The following PHLPP1 variants were observed in gnomAD, a reference collection of about 807,000 sequenced individuals.
PHLPP1 encodes the protein PH domain leucine-rich repeat-containing protein phosphatase 1.
PHLPP1 carries 42 observed loss-of-function variants against 117.2 expected under a neutral mutation model. The ratio of observed to expected loss-of-function variants is 0.36; its 90% CI spans 0.28 to 0.46. The LOEUF (loss-of-function observed/expected upper bound fraction) is 0.46, where lower values mean the gene tolerates loss of function less well. Among genes scored for constraint, PHLPP1 ranks in the 20% least tolerant of loss-of-function variants. The pLI is 1.00. For synonymous variants in PHLPP1, 1,042 were observed against 970.7 expected (o/e 1.07, Z -1.37); for missense variants, 2,084 against 2,241.9 (o/e 0.93, Z 1.42).
At chr18:62,758,963 T>C (rs991898383) in intron 1 of PHLPP1, among the ~76,000 whole-genome samples, 1 of 152,256 alleles carries the variant, frequency 6.6e-6, no homozygotes, top group African/African-American at 2.4e-5. Flanking sequence ...GTGTAATGTT[T>C]ACAGAGCCGA....
chr18:62,969,919 T>G (rs1911002973), intron 14 of PHLPP1, among the ~76,000 whole-genome samples: 1 of 152,168 alleles, frequency 6.6e-6, no homozygotes, highest in South Asian at 2.1e-4. Context: ...GTCTGAATTT[T>G]TTGTCTTTTC....
intron 3 of PHLPP1, among the ~76,000 whole-genome samples, chr18:62,851,031 A>G (rs547486245): frequency 7.2e-5 from 11 of 152,328 alleles, no homozygotes; most frequent in African/African-American, 2.6e-4. Flanking sequence ...TGTGTCCTCA[A>G]GAGGCTAAGC....
chr18:62,849,312 T>G (rs575255372), intron 3 of PHLPP1, among the ~76,000 whole-genome samples: 39 of 152,288 alleles, frequency 2.6e-4, no homozygotes, highest in African/African-American at 8.4e-4. Flanking sequence ...TCTGGTCATG[T>G]TATATTTTAA....
At chr18:62,973,816 G>T (rs996264842) in intron 15 of PHLPP1, among the ~76,000 whole-genome samples, 2 of 152,176 alleles carry the variant, frequency 1.3e-5, no homozygotes. Context: ...GTCATAAATT[G>T]TTACCAGTTA....
At chr18:62,905,905 T>C (rs1916837795) in intron 8 of PHLPP1, among the ~76,000 whole-genome samples, 1 of 152,198 alleles carries the variant, frequency 6.6e-6, no homozygotes, top group Admixed American at 6.5e-5. Context: ...ATAGTAGACT[T>C]TTTCTTGAAG....
At chr18:62,972,492 C>CAGA in intron 14 of PHLPP1, 22 bp from the exon 15 acceptor site, 1 of 1,608,036 alleles carries the variant, frequency 6.2e-7, no homozygotes, top group East Asian at 2.2e-5. Context: ...GGACTCAGCA[C>CAGA]AGAAGTGTGG....
In PHLPP1 at chr18:62,957,661, G is replaced by A. The variant is rs138697950; in HGVS notation, c.3325-968G>A. ...TTTTGAGACAGGGTCTTGCTCTGTC[G>A]CCCAGGCCAGAATGCAGTGGTGTGG... On this transcript the variant is annotated intron_variant, in intron 12 of 16. Transcript: ENST00000262719. Among the ~76,000 whole-genome samples, 33 of 150,466 alleles carry A rather than the reference G, an allele frequency of 2.2e-4. No individual in the cohort carries two copies. In the East Asian group the frequency reaches 4.7e-3, roughly 21 times the overall value.
Position 62,958,625 on chromosome 18 carries a change from T to C in PHLPP1, c.3325-4T>C, listed in dbSNP as rs373874425. On this transcript the variant is annotated splice_region_variant and splice_polypyrimidine_tract_variant and intron_variant, in intron 12 of 16. Coordinates refer to ENST00000262719, the MANE Select transcript of PHLPP1 (RefSeq NM_194449.4). ...TTTCTTGTTTGCACTTGTTCTTTTT[T>C]CAGTGTGTGGACCTGAGCTGTAATG... 9.7e-5 allele frequency: 156 copies of C among 1,613,832 alleles called. No individual in the cohort carries two copies. Among genetic ancestry groups the C allele is most frequent in the Non-Finnish European group, 1.2e-4 (144 of 1,179,816 alleles).
intron 12 of PHLPP1, among the ~76,000 whole-genome samples, chr18:62,947,047 C>T (rs7243716): frequency 1.4e-3 from 206 of 152,162 alleles, no homozygotes; most frequent in African/African-American, 4.6e-3. Context: ...AGCGAGACTC[C>T]GTCTCAAAAA....
At chr18:62,846,936 C>T (rs7245207) in intron 3 of PHLPP1, among the ~76,000 whole-genome samples, 5,482 of 152,136 alleles carry the variant, frequency 0.036, 304 homozygotes, top group African/African-American at 0.12. Context: ...TTTCCTGTAG[C>T]GGCTCTTGTT....
At chr18:62,888,117 G>C (rs71353367) in intron 4 of PHLPP1, among the ~76,000 whole-genome samples, 10,007 of 152,224 alleles carry the variant, frequency 0.066, 462 homozygotes, top group Non-Finnish European at 0.097. Context: ...ACTGTAGTTA[G>C]TACAATCATC....
Position 62,978,689 on chromosome 18 carries a change from G to A in PHLPP1, c.4412G>A (p.Ser1471Asn), listed in dbSNP as rs1422014241. 2.5e-6 allele frequency: 4 copies of A among 1,613,902 alleles called. No individual in the cohort carries two copies. Among genetic ancestry groups the A allele is most frequent in the Non-Finnish European group, 3.4e-6 (4 of 1,179,872 alleles). ...GGGCTGGGCGTGCCGTCCTCCAGCAGCGGCATGGCTTCCGAGATTAGCAGT... is the reference window on the plus strand; with the variant it reads ...GGGCTGGGCGTGCCGTCCTCCAGCAACGGCATGGCTTCCGAGATTAGCAGT... ...SDGLGVPSSSSGMASEISSEL... is the reference protein window; with the variant it reads ...SDGLGVPSSSNGMASEISSEL... The change falls in exon 17 of 17, where the codon AGC (serine) becomes AAC (asparagine). Residue 1471 changes from serine (S) to asparagine (N), a missense_variant. Physicochemically the swap from Ser to Asn is conservative, Grantham distance 46. Coordinates refer to ENST00000262719, the MANE Select transcript of PHLPP1 (RefSeq NM_194449.4). This position sits in a 1 kb window ranked among gnomAD's most constrained non-coding sequence, Gnocchi z 7.0.
At chr18:62,859,170 A>G (rs2144360751) in intron 3 of PHLPP1, among the ~76,000 whole-genome samples, 1 of 152,398 alleles carries the variant, frequency 6.6e-6, no homozygotes, top group South Asian at 2.1e-4. Context: ...GTAAAGATAA[A>G]TAGGGAGAAT....
chr18:62,806,253 A>C (rs1427612181), intron 1 of PHLPP1, among the ~76,000 whole-genome samples: 1 of 152,228 alleles, frequency 6.6e-6, no homozygotes, highest in Non-Finnish European at 1.5e-5. Flanking sequence ...CATAAAAAAC[A>C]GCAATTTCTA....
chr18:62,933,243 A>T (rs944753396), intron 10 of PHLPP1, among the ~76,000 whole-genome samples: 1 of 152,220 alleles, frequency 6.6e-6, no homozygotes. Flanking sequence ...GTCATTTTTC[A>T]TGAAATTAGA....
At chr18:62,946,853 A>T (rs1319196930) in intron 12 of PHLPP1, among the ~76,000 whole-genome samples, 1 of 152,062 alleles carries the variant, frequency 6.6e-6, no homozygotes, top group Non-Finnish European at 1.5e-5. Flanking sequence ...GGAGATCGAG[A>T]CCATCCTGGC....
chr18:62,905,010 G>A (rs1486997488), intron 7 of PHLPP1, among the ~76,000 whole-genome samples: 1 of 152,222 alleles, frequency 6.6e-6, no homozygotes, highest in African/African-American at 2.4e-5. Context: ...AAATTAGAAT[G>A]CATGATGTAT....
rs1911158729 is a variant in PHLPP1, at chr18:62,975,338, T to C, written c.3756-59T>C. 3 of 1,189,536 alleles carry C rather than the reference T, an allele frequency of 2.5e-6. No homozygotes were observed. The South Asian group carries it at 3.8e-5, about 15-fold the overall frequency. 73.7% of individuals were successfully genotyped at this position (1,189,536 alleles called of 1,614,324 possible). Reference sequence around the variant, plus strand: ...CAGTGGTGCGGTCTTGCTGTTGAATTTGCAGAACTGGCACTGATGGGCTGT... The same window carrying C: ...CAGTGGTGCGGTCTTGCTGTTGAATCTGCAGAACTGGCACTGATGGGCTGT... On this transcript the variant is annotated intron_variant, in intron 15 of 16. Coordinates refer to ENST00000262719, the MANE Select transcript of PHLPP1 (RefSeq NM_194449.4).
chr18:62,781,654 A>G (rs1913122355), intron 1 of PHLPP1, among the ~76,000 whole-genome samples: 1 of 152,204 alleles, frequency 6.6e-6, no homozygotes, highest in Admixed American at 6.5e-5. Flanking sequence ...CACCTGGGAT[A>G]AGATGATTTT....
Sources: allele counts gnomAD v4.1 joint callset (sites outside exome capture counted in the v4.1 genomes callset), GRCh38; gene constraint gnomAD v4.1.1; non-coding constraint Gnocchi (gnomAD v3.1); transcripts MANE v1.5; gene names NCBI Gene and HGNC (gene_info 2026-07-23, HGNC 2026-07-21).